Variants in PAPLN observed in about 807,000 individuals in gnomAD.
PAPLN encodes papilin.
In PAPLN, 146 loss-of-function variants were observed where a neutral mutation model predicts 159.0. That is an observed-to-expected ratio of 0.92 (90% CI 0.80 to 1.05). The LOEUF (loss-of-function observed/expected upper bound fraction) is 1.05, where lower values mean the gene tolerates loss of function less well. Among genes scored for constraint, PAPLN ranks in the 50% least tolerant of loss-of-function variants. The pLI, the probability that PAPLN is intolerant of heterozygous loss-of-function variation, is 0.00. For missense variants in PAPLN, 1,720 were observed against 1,743.9 expected (o/e 0.99, Z 0.24); for synonymous variants, 734 against 702.9 (o/e 1.04, Z -0.70).
intron 26 of PAPLN, among the ~76,000 whole-genome samples, chr14:73,270,363 G>A (rs1038672287): frequency 2.6e-5 from 4 of 152,244 alleles, no homozygotes; most frequent in Admixed American, 6.5e-5. Flanking sequence ...AGCCCCAAGG[G>A]GGTGTTACAG....
chr14:73,266,539 G>T lies in PAPLN; in HGVS notation c.3302G>T (p.Arg1101Leu). The T allele has an allele frequency of 1.2e-6, 2 of 1,614,100 alleles. No individual in the cohort carries two copies. The highest frequency in any genetic ancestry group is 1.7e-6 in the Non-Finnish European group (2 of 1,180,014). ...CCTGATGGCTCCCTGGTCATTAGCC[G>T]AGTGGCTGTAGAAGATGGCGGCTTC... ...LQPDGSLVIS[R>L]VAVEDGGFYT... is the part of the protein sequence containing the mutation. The change falls in exon 24 of 27, where the codon CGA becomes CTA. Residue 1101 changes from arginine (R) to leucine (L), a missense_variant. Arg to Leu is a moderately radical substitution (Grantham distance 102). Transcript: ENST00000644200.
chr14:73,258,925 T>TCCATCCTCTCTTCCTCCCTCTCCGTC, intron 14 of PAPLN, 54 bp from the exon 15 acceptor site: 2 of 1,516,792 alleles, frequency 1.3e-6, no homozygotes, highest in Non-Finnish European at 8.9e-7. Flanking sequence ...ACAGCTCAGG[T>TCCATCCTCTCTTCCTCCCTCTCCGTC]CCATCCTCTC....
At chr14:73,244,604 G>A in intron 2 of PAPLN, 40 bp from the exon 3 acceptor site, 1 of 1,505,552 alleles carries the variant, frequency 6.6e-7, no homozygotes, top group Non-Finnish European at 9.1e-7. Flanking sequence ...GGCTCAGGCT[G>A]TGAGTGGGCA....
chr14:73,248,073 C>CTGTGTG lies in PAPLN; in HGVS notation c.334+1899_334+1900insGTGTGT, dbSNP rs1491238488. 7.6e-4 allele frequency among the ~76,000 whole-genome samples: 39 copies of CTGTGTG among 51,006 alleles called. 2 individuals carry two copies. Among genetic ancestry groups the CTGTGTG allele is most frequent in the African/African-American group, 6.0e-3 (35 of 5,834 alleles). The allele number at this position is 51,006 out of a possible 152,430, so 33.5% of individuals were successfully genotyped here. The stretch of plus-strand genomic sequence containing the variant: ...TGTGGCCCAGTGGGAGTCTCATATC[C>CTGTGTG]TCTGTGTGTGTGTGTGTGTGTGTGT... On this transcript the variant is annotated intron_variant, in intron 5 of 26. Transcript: ENST00000644200.
chr14:73,245,689 G>C lies in PAPLN; in HGVS notation c.224G>C (p.Arg75Pro), dbSNP rs930664832. The C allele has an allele frequency of 3.2e-6, 5 of 1,550,496 alleles. No homozygotes were observed. The highest frequency in any genetic ancestry group is 4.3e-6 in the Non-Finnish European group (5 of 1,150,928). Residue 75 changes from arginine (R) to proline (P), a missense_variant, in exon 4 of 27, where the codon CGC becomes CCC. Transcript: ENST00000644200. This position sits in a 1 kb window ranked among gnomAD's most constrained non-coding sequence, Gnocchi z 4.2. ...VGPARSHRSC[R>P]TESCPDGARD... ...CCCGCCCGGAGCCACCGCTCTTGTC[G>C]CACGGAGGTAAAGCTCACGGGGCGC...
chr14:73,254,403 C>T (rs1885647685), intron 12 of PAPLN, 110 bp from the exon 13 acceptor site: 1 of 1,345,378 alleles, frequency 7.4e-7, no homozygotes, highest in Non-Finnish European at 1.0e-6. Flanking sequence ...AGGACATGGG[C>T]AGTTGGGTGC....
At chr14:73,254,376 CCT>C (rs1885645153) in intron 12 of PAPLN, 135 bp from the exon 13 acceptor site, 1 of 1,062,170 alleles carries the variant, frequency 9.4e-7, no homozygotes, top group East Asian at 2.4e-5. Context: ...AGTGAGTCAG[CCT>C]CTCTGGGCCT....
chr14:73,243,180 G>A (rs1883789415), intron 2 of PAPLN: 2 of 152,222 alleles, frequency 1.3e-5, no homozygotes, highest in Non-Finnish European at 1.5e-5. Context: ...TTTTAGTAGA[G>A]ACGGGGTTTC....
In PAPLN at chr14:73,266,557, G is replaced by A; in HGVS notation, c.3320G>A (p.Gly1107Asp). ...LVISRVAVED[G>D]GFYTCVAFNG... ...ATTAGCCGAGTGGCTGTAGAAGATG[G>A]CGGCTTCTACACCTGTGTCGCTTTC... Residue 1107 changes from glycine (G) to aspartate (D), a missense_variant, in exon 24 of 27, where the codon GGC becomes GAC. Gly to Asp is a moderately conservative substitution (Grantham distance 94). Transcript: ENST00000644200. 1 of 1,614,194 alleles carries A rather than the reference G, an allele frequency of 6.2e-7. No homozygotes were observed. The highest frequency in any genetic ancestry group is 1.1e-5 in the South Asian group (1 of 91,084).
Position 73,266,425 on chromosome 14 carries a change from C to T in PAPLN, c.3264-76C>T, listed in dbSNP as rs1018600021. ...AAGACCTTGTGTTCCCTCCCTGACCCCATGCTCGAGGGACGGAGCTGGAGG... is the reference window on the plus strand; with the variant it reads ...AAGACCTTGTGTTCCCTCCCTGACCTCATGCTCGAGGGACGGAGCTGGAGG... On this transcript the variant is annotated intron_variant, in intron 23 of 26. Coordinates refer to ENST00000644200, the MANE Select transcript of PAPLN (RefSeq NM_001365906.3). 277 of 1,552,166 alleles carry T rather than the reference C, an allele frequency of 1.8e-4. 1 individual carries two copies. The highest frequency in any genetic ancestry group is 3.0e-4 in the South Asian group (25 of 82,990).
rs565904230 is a variant in PAPLN at position 73,253,898 on chromosome 14, C to T, written c.1239C>T (p.Pro413=). ...EAECAGLPGK[P]PAIQACNLQR... is the part of the protein sequence containing the mutation. ...AGTGTGCCGGGCTGCCTGGGAAGCCCCCTGCCATTCAGGCCTGTAACCTGC... is the reference window on the plus strand; with the variant it reads ...AGTGTGCCGGGCTGCCTGGGAAGCCTCCTGCCATTCAGGCCTGTAACCTGC... Residue 413 remains proline, a synonymous_variant, in exon 12 of 27, where the codon CCC becomes CCT. Transcript: ENST00000644200. 1.2e-6 allele frequency: 2 copies of T among 1,613,364 alleles called. No homozygotes were observed. Among genetic ancestry groups the T allele is most frequent in the East Asian group, 2.2e-5 (1 of 44,868 alleles).
At chr14:73,255,063 C>T in intron 14 of PAPLN, 45 bp downstream of exon 14, 2 of 1,578,158 alleles carry the variant, frequency 1.3e-6, no homozygotes, top group Non-Finnish European at 1.7e-6. Flanking sequence ...TGACCTCTCT[C>T]CCACTCGCTA....
Position 73,251,013 on chromosome 14 carries a change from C to T in PAPLN, c.572C>T (p.Ala191Val), listed in dbSNP as rs146070218. The T allele has an allele frequency of 2.0e-4, 330 of 1,612,690 alleles. No individual in the cohort carries two copies. The highest frequency in any genetic ancestry group is 1.7e-3 in the African/African-American group (128 of 75,036). Residue 191 changes from alanine (A) to valine (V), a missense_variant, in exon 7 of 27, where the codon GCT (alanine) becomes GTT (valine). Physicochemically the swap from Ala to Val is moderately conservative, Grantham distance 64. Transcript: ENST00000644200. ...TCYPVAGTFDANDLSRGYNQI... is the reference protein window; with the variant it reads ...TCYPVAGTFDVNDLSRGYNQI... ...TACCCCGTCGCAGGCACCTTTGACGCTAATGACCTCAGCCGAGGTGGGGGT... is the reference window on the plus strand; with the variant it reads ...TACCCCGTCGCAGGCACCTTTGACGTTAATGACCTCAGCCGAGGTGGGGGT...
chr14:73,264,628 C>T lies in PAPLN; in HGVS notation c.3027C>T (p.Arg1009=). 6.2e-7 allele frequency: 1 copy of T among 1,603,288 alleles called. No homozygotes were observed. Residue 1009 remains arginine (R), a synonymous_variant, in exon 22 of 27, where the codon CGC becomes CGT. Coordinates refer to ENST00000644200, the MANE Select transcript of PAPLN (RefSeq NM_001365906.3). ...TGCTGTCTGAGGCTGAGCTGAGCCG[C>T]TTCCCTCAGCCCAGGGACCCAGCTC... The part of the protein sequence containing the change: ...MAVLSEAELS[R]FPQPRDPAQD...
At chr14:73,258,956 A>G (rs753404745) in intron 14 of PAPLN, 23 bp from the exon 15 acceptor site, 7 of 1,597,048 alleles carry the variant, frequency 4.4e-6, no homozygotes, top group South Asian at 1.1e-5. Context: ...TCCGTCCCAC[A>G]TGGACCTCCC....
chr14:73,242,255 T>G (rs1883642541), intron 2 of PAPLN, among the ~76,000 whole-genome samples: 1 of 152,210 alleles, frequency 6.6e-6, no homozygotes, highest in African/African-American at 2.4e-5. Flanking sequence ...GGAAACAGCA[T>G]GTCCCTTAGG....
At chr14:73,266,692 G>A in intron 24 of PAPLN, 31 bp from the exon 25 acceptor site, 1 of 1,614,174 alleles carries the variant, frequency 6.2e-7, no homozygotes, top group South Asian at 1.1e-5. Context: ...GATCTTCATA[G>A]TGGCTGACAA....
chr14:73,254,838 G>T (rs750494881), intron 13 of PAPLN, 39 bp from the exon 14 acceptor site: 1 of 1,605,528 alleles, frequency 6.2e-7, no homozygotes. Flanking sequence ...CCCCAGCCTC[G>T]CCCTCAGCAT....
chr14:73,245,544 G>A lies in PAPLN; in HGVS notation c.171-92G>A. 2 of 1,396,770 alleles carry A rather than the reference G, an allele frequency of 1.4e-6. No homozygotes were observed. The highest frequency in any genetic ancestry group is 1.4e-5 in the African/African-American group (1 of 70,040). 86.5% of individuals were successfully genotyped at this position (1,396,770 alleles called of 1,614,324 possible). On this transcript the variant is annotated intron_variant, in intron 3 of 26. Transcript: ENST00000644200. This position sits in a 1 kb window ranked among gnomAD's most constrained non-coding sequence, Gnocchi z 4.2. ...CTCACCTTGCTGCTCCCACTGGAGA[G>A]TCCCGCAGAAGTTGGGGCCTGCAGA...
Sources: gnomAD v4.1 joint callset for allele counts (sites outside exome capture counted in the v4.1 genomes callset) on GRCh38, gnomAD v4.1.1 for gene constraint, Gnocchi (gnomAD v3.1) non-coding constraint, MANE v1.5 for transcripts, NCBI Gene and HGNC (gene_info 2026-07-23, HGNC 2026-07-21) for gene names.